The following PREX1 variants were observed in gnomAD, a reference collection of about 807,000 sequenced individuals.
PREX1 encodes phosphatidylinositol 3,4,5-trisphosphate-dependent Rac exchanger 1 protein.
In PREX1, 41 loss-of-function variants were observed where a neutral mutation model predicts 198.3. The observed-to-expected ratio is 0.21, with a 90% CI of 0.16 to 0.27. The LOEUF is 0.27. Ranked by LOEUF, PREX1 falls within the 10% of genes least tolerant of loss-of-function variation. PREX1 has a pLI of 1.00. For missense variants in PREX1, 1,620 were observed against 2,200.7 expected, an observed-to-expected ratio of 0.74 and a Z score of 5.28; for synonymous variants, 843 against 887.2, an observed-to-expected ratio of 0.95 and a Z score of 0.89.
At chr20:48,636,433 C>T (rs752896267) in intron 32 of PREX1, 30 bp downstream of exon 32, 11 of 1,564,996 alleles carry the variant, frequency 7.0e-6, no homozygotes, top group Non-Finnish European at 9.5e-6. Flanking sequence ...GGTGGGCCAG[C>T]GGGGCCGCCC....
At chr20:48,725,849 G>A (rs1309298434) in intron 5 of PREX1, among the ~76,000 whole-genome samples, 1 of 152,206 alleles carries the variant, frequency 6.6e-6, no homozygotes, top group Non-Finnish European at 1.5e-5. Context: ...TTGGTTCAGG[G>A]GTAAAGCACG....
intron 1 of PREX1, among the ~76,000 whole-genome samples, chr20:48,772,804 A>C (rs2090243008): frequency 6.6e-6 from 1 of 152,116 alleles, no homozygotes; most frequent in South Asian, 2.1e-4. Context: ...AAATCAAAAC[A>C]AGTGTACTCA....
chr20:48,631,341 C>A (rs947073199), intron 35 of PREX1, among the ~76,000 whole-genome samples: 3 of 152,158 alleles, frequency 2.0e-5, no homozygotes, highest in Non-Finnish European at 2.9e-5. Flanking sequence ...AACAGGGAGA[C>A]AAGGAGGGCC....
intron 29 of PREX1, among the ~76,000 whole-genome samples, chr20:48,641,087 G>T (rs925842996): frequency 6.6e-6 from 1 of 151,986 alleles, no homozygotes; most frequent in African/African-American, 2.4e-5. Flanking sequence ...CGGATAGTAG[G>T]TTGGGTGGAT....
At chr20:48,695,960 G>A (rs1259547802) in intron 7 of PREX1, among the ~76,000 whole-genome samples, 1 of 152,136 alleles carries the variant, frequency 6.6e-6, no homozygotes, top group East Asian at 1.9e-4. Context: ...ATAGGCACAG[G>A]GCCAAGTCTG....
chr20:48,660,068 A>T lies in PREX1; in HGVS notation c.1739-7T>A. The T allele has an allele frequency of 6.2e-7, 1 of 1,613,734 alleles. No individual in the cohort carries two copies. Among genetic ancestry groups the T allele is most frequent in the Middle Eastern group, 1.6e-4 (1 of 6,062 alleles). Reference sequence around the variant, plus strand: ...AACTCGCTCTTCTCCAGCACTGCAGATCCACAGATGTGCACTCAGTGGTCA... The same window carrying T: ...AACTCGCTCTTCTCCAGCACTGCAGTTCCACAGATGTGCACTCAGTGGTCA... On this transcript the variant is annotated splice_polypyrimidine_tract_variant and splice_region_variant and intron_variant, in intron 15 of 39. Coordinates refer to ENST00000371941, the MANE Select transcript of PREX1 (RefSeq NM_020820.4).
At chr20:48,671,926 C>T (rs964355252) in intron 14 of PREX1, among the ~76,000 whole-genome samples, 3 of 152,252 alleles carry the variant, frequency 2.0e-5, no homozygotes, top group African/African-American at 7.2e-5. Context: ...TGGTCGGCTA[C>T]AGCCTTTGCT....
At position 48,663,164 on chromosome 20, in the gene PREX1, C is replaced by T. The variant is rs142081641; in HGVS notation, c.1739-3103G>A. ...CCCACAGAACTCTGGGCATGCTGAG[C>T]GCACAGGAGGGGAATGCAAGGCCTC... On this transcript the variant is annotated intron_variant, in intron 15 of 39. Coordinates refer to ENST00000371941, the MANE Select transcript of PREX1 (RefSeq NM_020820.4). Among the ~76,000 whole-genome samples, 71 of 152,262 alleles carry T rather than the reference C, an allele frequency of 4.7e-4. No individual in the cohort carries two copies. The East Asian group carries it at 0.011, about 24-fold the overall frequency.
intron 24 of PREX1, 100 bp from the exon 25 acceptor site, chr20:48,649,676 G>A: frequency 1.5e-6 from 2 of 1,345,832 alleles, no homozygotes; most frequent in Admixed American, 2.7e-5. Context: ...TCCCAATGAA[G>A]GAGAAAAATG....
intron 1 of PREX1, among the ~76,000 whole-genome samples, chr20:48,752,509 G>A (rs1447461424): frequency 6.6e-6 from 1 of 152,150 alleles, no homozygotes; most frequent in African/African-American, 2.4e-5. Flanking sequence ...TCATGTGCAG[G>A]GCAGGCCAGA....
Position 48,639,903 on chromosome 20 carries a change from G to A in PREX1, c.3776-9C>T. ...TTCTTTCTGTTTAAACTCTGGGGCA[G>A]GAAAGTGGCATGAGGGCCAGGGAAG... On this transcript the variant is annotated splice_polypyrimidine_tract_variant and intron_variant, in intron 29 of 39. Transcript: ENST00000371941. 1.2e-6 allele frequency: 2 copies of A among 1,613,780 alleles called. No homozygotes were observed. Among genetic ancestry groups the A allele is most frequent in the Non-Finnish European group, 1.7e-6 (2 of 1,179,754 alleles).
intron 33 of PREX1, among the ~76,000 whole-genome samples, chr20:48,633,793 C>T (rs1227476558): frequency 6.6e-6 from 1 of 152,186 alleles, no homozygotes; most frequent in African/African-American, 2.4e-5. Flanking sequence ...GGCCCAGGGC[C>T]CTGGGATCGT....
At chr20:48,788,090 C>G (rs1204902189) in intron 1 of PREX1, among the ~76,000 whole-genome samples, 1 of 152,154 alleles carries the variant, frequency 6.6e-6, no homozygotes, top group African/African-American at 2.4e-5. Flanking sequence ...TGTGTGCAAA[C>G]CCAAATTGAA....
chr20:48,753,074 G>A (rs2090141045), intron 1 of PREX1, among the ~76,000 whole-genome samples: 2 of 152,160 alleles, frequency 1.3e-5, no homozygotes, highest in African/African-American at 2.4e-5. Flanking sequence ...GGGCATAAGA[G>A]AAGGACCAGA....
the PREX1 span, among the ~76,000 whole-genome samples, chr20:48,833,947 G>A: frequency 6.6e-6 from 1 of 152,134 alleles, no homozygotes; most frequent in Non-Finnish European, 1.5e-5. Context: ...GCCGGTCCTG[G>A]TGGCGAGCAC....
chr20:48,704,056 A>G (rs915505014), intron 6 of PREX1, among the ~76,000 whole-genome samples: 2 of 152,198 alleles, frequency 1.3e-5, no homozygotes, highest in Non-Finnish European at 2.9e-5. Flanking sequence ...AGGGGCGGCC[A>G]CATGCCACGC....
intron 18 of PREX1, chr20:48,656,397 C>T: frequency 5.0e-6 from 2 of 401,942 alleles, no homozygotes; most frequent in South Asian, 3.2e-5. Flanking sequence ...CAGTGGCTCC[C>T]CATGGGTCCT....
chr20:48,767,667 A>G (rs2090215190), intron 1 of PREX1, among the ~76,000 whole-genome samples: 2 of 152,142 alleles, frequency 1.3e-5, no homozygotes, highest in Non-Finnish European at 2.9e-5. Flanking sequence ...ACCACGCTGT[A>G]CTTTCCCGAC....
intron 5 of PREX1, among the ~76,000 whole-genome samples, chr20:48,719,983 C>G (rs892613118): frequency 4.6e-5 from 7 of 152,204 alleles, no homozygotes; most frequent in Non-Finnish European, 1.0e-4. Flanking sequence ...CCTCTCTAAC[C>G]TTACTCCCTC....
Sources: gnomAD v4.1 joint callset for allele counts (sites outside exome capture counted in the v4.1 genomes callset) on GRCh38, gnomAD v4.1.1 for gene constraint, MANE v1.5 for transcripts, NCBI Gene and HGNC (gene_info 2026-07-23, HGNC 2026-07-21) for gene names.